Variants in XKR5 observed in about 807,000 individuals in gnomAD.
XKR5 encodes XK-related protein 5.
Under a neutral mutation model 40.8 loss-of-function variants are expected in XKR5, and 46 were observed. The observed-to-expected ratio is 1.13, with a 90% CI of 0.89 to 1.44. The LOEUF (loss-of-function observed/expected upper bound fraction) is 1.44. XKR5 is among the 40% of genes most tolerant of loss of function. XKR5 has a pLI of 0.00. For missense variants in XKR5, 1,169 were observed against 844.7 expected (o/e 1.38, Z -4.76); for synonymous variants, 466 against 356.1 (o/e 1.31, Z -3.48).
chr8:6,831,503 C>G (rs1416223382), intron 2 of XKR5, among the ~76,000 whole-genome samples: 1 of 152,148 alleles, frequency 6.6e-6, no homozygotes, highest in Non-Finnish European at 1.5e-5. Flanking sequence ...GGGACGGCAC[C>G]ATTCCCTGCT....
Position 6,811,851 on chromosome 8 carries a change from C to T in XKR5, c.1408G>A (p.Ala470Thr). The change falls in exon 7 of 7, where the codon GCG becomes ACG. Residue 470 changes from alanine to threonine, a missense_variant. Coordinates refer to ENST00000618742, the MANE Select transcript of XKR5 (RefSeq NM_207411.5). ...TCTGCTTTAGGGACACCTTCAAACG[C>T]AGAGCTGTTCTCTAAGGTTGAGGGG... ...RDPSTLENSS[A>T]FEGVPKAEAD... 1.3e-6 allele frequency: 2 copies of T among 1,537,606 alleles called. No individual in the cohort carries two copies. Among genetic ancestry groups the T allele is most frequent in the Non-Finnish European group, 1.7e-6 (2 of 1,146,986 alleles).
chr8:6,830,829 C>T (rs964559858), intron 2 of XKR5, among the ~76,000 whole-genome samples: 2 of 152,134 alleles, frequency 1.3e-5, no homozygotes, highest in Non-Finnish European at 2.9e-5. Flanking sequence ...CATGGCATCA[C>T]TTAAGAAAAT....
At chr8:6,828,642 C>G (rs941379664) in intron 2 of XKR5, among the ~76,000 whole-genome samples, 1 of 152,200 alleles carries the variant, frequency 6.6e-6, no homozygotes, top group Non-Finnish European at 1.5e-5. Context: ...TCCTCACAGT[C>G]GCTGCATCAT....
intron 2 of XKR5, among the ~76,000 whole-genome samples, chr8:6,828,761 A>C (rs1165727789): frequency 6.6e-6 from 1 of 152,104 alleles, no homozygotes; most frequent in Non-Finnish European, 1.5e-5. Flanking sequence ...CTACAGGCTC[A>C]TTTGCCCATA....
Position 6,812,288 on chromosome 8 carries a change from T to A in XKR5, c.971A>T (p.Asp324Val), listed in dbSNP as rs1167290501. The A allele has an allele frequency of 5.8e-6, 9 of 1,553,928 alleles. No homozygotes were observed. Among genetic ancestry groups the A allele is most frequent in the Non-Finnish European group, 7.8e-6 (9 of 1,147,862 alleles). ...YYSLLHPKST[D>V]IWQGCLRKSC... ...CTTCCTTAGGCAGCCCTGCCAGATG[T>A]CTGTGGATTTTGGATGCAGCAGGCT... The change falls in exon 7 of 7, where the codon GAC becomes GTC. Residue 324 changes from aspartate to valine, a missense_variant. Transcript: ENST00000618742.
Position 6,815,575 on chromosome 8 carries a change from T to A in XKR5, c.919+232A>T, listed in dbSNP as rs139214630. Reference sequence around the variant, plus strand: ...ACGGGGGCTTTGGGGTAGAGAGGGATAGCCCCAGCTTTGCTTGAGGTTCCG... The same window carrying A: ...ACGGGGGCTTTGGGGTAGAGAGGGAAAGCCCCAGCTTTGCTTGAGGTTCCG... On this transcript the variant is annotated intron_variant, in intron 6 of 6. Coordinates refer to ENST00000618742, the MANE Select transcript of XKR5 (RefSeq NM_207411.5). 6.6e-5 allele frequency among the ~76,000 whole-genome samples: 10 copies of A among 152,152 alleles called. 1 individual carries two copies. The highest frequency in any genetic ancestry group is 2.4e-4 in the African/African-American group (10 of 41,512).
In XKR5 at chr8:6,832,788, G is replaced by T. The variant is rs757101703; in HGVS notation, c.171C>A (p.Phe57Leu). 6.2e-7 allele frequency: 1 copy of T among 1,613,276 alleles called. No individual in the cohort carries two copies. Among genetic ancestry groups the T allele is most frequent in the South Asian group, 1.1e-5 (1 of 90,834 alleles). ...AATGCCCTGGATGCCCGTCTGCTCG[G>T]AACCACAGGTAGCTCAGGGCCTGGA... The part of the protein sequence containing the change: ...FLVQALSYLW[F>L]RADGHPGHCS... Residue 57 changes from phenylalanine to leucine, a missense_variant, in exon 2 of 7, where the codon TTC becomes TTA. Phe to Leu is a conservative substitution (Grantham distance 22). Transcript: ENST00000618742.
In XKR5 at chr8:6,823,823, T is replaced by C. The variant is rs544569649; in HGVS notation, c.428-93A>G. On this transcript the variant is annotated intron_variant, in intron 3 of 6. Transcript: ENST00000618742. ...CACTCATGGCATTTCTTTAATGGGATGTGTAACCTCTTGTTAAAGCCTGGC... is the reference window on the plus strand; with the variant it reads ...CACTCATGGCATTTCTTTAATGGGACGTGTAACCTCTTGTTAAAGCCTGGC... 4 of 1,107,120 alleles carry C rather than the reference T, an allele frequency of 3.6e-6. No individual in the cohort carries two copies. The African/African-American group carries it at 4.7e-5, about 13-fold the overall frequency. 68.6% of individuals were successfully genotyped at this position (1,107,120 alleles called of 1,614,324 possible).
chr8:6,811,842 C>T lies in XKR5; in HGVS notation c.1417G>A (p.Gly473Ser), dbSNP rs1187332502. 2 of 1,537,620 alleles carry T rather than the reference C, an allele frequency of 1.3e-6. No individual in the cohort carries two copies. Among genetic ancestry groups the T allele is most frequent in the Non-Finnish European group, 8.7e-7 (1 of 1,147,004 alleles). ...GGGTCGGCCTCTGCTTTAGGGACACCTTCAAACGCAGAGCTGTTCTCTAAG... is the reference window on the plus strand; with the variant it reads ...GGGTCGGCCTCTGCTTTAGGGACACTTTCAAACGCAGAGCTGTTCTCTAAG... ...STLENSSAFE[G>S]VPKAEADPLE... The change falls in exon 7 of 7, where the codon GGT becomes AGT. Residue 473 changes from glycine to serine, a missense_variant. By Grantham distance (56) the Gly-to-Ser change is moderately conservative. Transcript: ENST00000618742.
At chr8:6,832,031 A>C (rs893759254) in intron 2 of XKR5, among the ~76,000 whole-genome samples, 2 of 147,910 alleles carry the variant, frequency 1.4e-5, no homozygotes, top group Non-Finnish European at 1.5e-5. Flanking sequence ...AAAAAAAAAA[A>C]AAAACAAACC....
rs1443537960 is a variant in XKR5, at chr8:6,832,910, A to C, written c.59-10T>G. On this transcript the variant is annotated splice_polypyrimidine_tract_variant and intron_variant, in intron 1 of 6. Coordinates refer to ENST00000618742, the MANE Select transcript of XKR5 (RefSeq NM_207411.5). The stretch of plus-strand genomic sequence containing the variant: ...GCCACGGTGTAAAGGCCTGGGTGAG[A>C]AGGGGAAAGGCAAGCAGGTTGTTGG... 5.8e-6 allele frequency: 9 copies of C among 1,550,376 alleles called. 1 individual carries two copies. The East Asian group carries it at 2.1e-4, about 36-fold the overall frequency.
chr8:6,830,137 T>C (rs1294803121), intron 2 of XKR5, among the ~76,000 whole-genome samples: 2 of 152,116 alleles, frequency 1.3e-5, no homozygotes, highest in South Asian at 2.1e-4. Flanking sequence ...GCGCCAGGCC[T>C]CAATCCTTGC....
rs1804829681 is a variant in XKR5, at chr8:6,832,798, T to C, written c.161A>G (p.Tyr54Cys). 6.2e-7 allele frequency: 1 copy of C among 1,612,950 alleles called. No homozygotes were observed. Among genetic ancestry groups the C allele is most frequent in the Non-Finnish European group, 8.5e-7 (1 of 1,179,530 alleles). Residue 54 changes from tyrosine to cysteine, a missense_variant, in exon 2 of 7, where the codon TAC becomes TGC. Tyr to Cys is a radical substitution (Grantham distance 194). Transcript: ENST00000618742. ...ATGCCCGTCTGCTCGGAACCACAGGTAGCTCAGGGCCTGGACCAAGAACCC... is the reference window on the plus strand; with the variant it reads ...ATGCCCGTCTGCTCGGAACCACAGGCAGCTCAGGGCCTGGACCAAGAACCC... ...LPGFLVQALS[Y>C]LWFRADGHPG...
chr8:6,829,366 A>G (rs2117115188), intron 2 of XKR5: 1 of 168,754 alleles, frequency 5.9e-6, no homozygotes, highest in African/African-American at 2.4e-5. Flanking sequence ...TAAGTAAAAA[A>G]CCTAAGTAGA....
Position 6,812,043 on chromosome 8 carries a change from G to T in XKR5, c.1216C>A (p.Leu406Met), listed in dbSNP as rs554710625. ...GTTTTTAGGGCAAGTTTCACCCACA[G>T]CCAGTGGTGATGACTGAGGAAAGAG... ...EDSFLSHHHW[L>M]WVKLALKTGN... is the part of the protein sequence containing the mutation. The change falls in exon 7 of 7, where the codon CTG becomes ATG. Residue 406 changes from leucine (L) to methionine (M), a missense_variant. Transcript: ENST00000618742. The T allele has an allele frequency of 7.2e-6, 11 of 1,538,454 alleles. No homozygotes were observed. In the African/African-American group the frequency reaches 1.2e-4, roughly 17 times the overall value.
At chr8:6,834,708 T>G (rs1344936094) in intron 1 of XKR5, among the ~76,000 whole-genome samples, 3 of 146,070 alleles carry the variant, frequency 2.1e-5, no homozygotes, top group Non-Finnish European at 2.9e-5. Flanking sequence ...GGAAAAAGCT[T>G]CCGCAGGGAG....
chr8:6,828,359 G>C (rs1005672586), intron 2 of XKR5, among the ~76,000 whole-genome samples: 9 of 152,280 alleles, frequency 5.9e-5, no homozygotes, highest in African/African-American at 2.2e-4. Flanking sequence ...CTGAAATGAA[G>C]GTCCATGTCT....
At chr8:6,815,599 C>T (rs961597632) in intron 6 of XKR5, among the ~76,000 whole-genome samples, 5 of 152,044 alleles carry the variant, frequency 3.3e-5, no homozygotes, top group African/African-American at 4.8e-5. Flanking sequence ...CTTGAGGTTC[C>T]GAGCACAGTC....
intron 1 of XKR5, among the ~76,000 whole-genome samples, chr8:6,834,567 G>T (rs1804920267): frequency 6.6e-6 from 1 of 152,248 alleles, no homozygotes; most frequent in African/African-American, 2.4e-5. Flanking sequence ...GCGCTTGCGC[G>T]TCCTCCGTGT....
Sources: allele counts gnomAD v4.1 joint callset (sites outside exome capture counted in the v4.1 genomes callset), GRCh38; gene constraint gnomAD v4.1.1; transcripts MANE v1.5; gene names NCBI Gene and HGNC (gene_info 2026-07-23, HGNC 2026-07-21).